Variants in SH2D2A observed in about 807,000 individuals in gnomAD.
SH2D2A encodes SH2 domain-containing protein 2A.
SH2D2A carries 33 observed loss-of-function variants against 43.6 expected under a neutral mutation model. The ratio of observed to expected loss-of-function variants is 0.76; its 90% CI spans 0.57 to 1.01. SH2D2A has a LOEUF of 1.01. Among genes scored for constraint, SH2D2A ranks in the 50% least tolerant of loss-of-function variants. SH2D2A has a pLI of 0.00. For missense variants in SH2D2A, 491 were observed against 503.1 expected (o/e 0.98, Z 0.23); for synonymous variants, 212 against 206.1 (o/e 1.03, Z -0.25).
At position 156,809,207 on chromosome 1, in the gene SH2D2A, C is replaced by T. The variant is rs754354282; in HGVS notation, c.998G>A (p.Gly333Asp). 6.2e-7 allele frequency: 1 copy of T among 1,605,186 alleles called. No individual in the cohort carries two copies. Among genetic ancestry groups the T allele is most frequent in the South Asian group, 1.1e-5 (1 of 90,112 alleles). The change falls in exon 7 of 9, where the codon GGC (glycine) becomes GAC (aspartate). Residue 333 changes from glycine (G) to aspartate (D), a missense_variant. By Grantham distance (94) the Gly-to-Asp change is moderately conservative. Transcript: ENST00000368199. This position sits in a 1 kb window ranked among gnomAD's most constrained non-coding sequence, Gnocchi z 4.8. ...RKSWSRPVPG[G>D]QNTGGSQLHS... ...TTTCCCTGCATACCCATTTACCTGG[C>T]CTCCTGGGACAGGCCTGGACCAGCT...
intron 2 of SH2D2A, 93 bp from the exon 3 acceptor site, chr1:156,815,314 C>G (rs751432985): frequency 3.8e-5 from 36 of 947,642 alleles, no homozygotes; most frequent in Non-Finnish European, 4.9e-5. Flanking sequence ...TTTCCTCATA[C>G]CCAGCCTCTC....
At position 156,814,161 on chromosome 1, in the gene SH2D2A, C is replaced by T. The variant is rs575302642; in HGVS notation, c.398+44G>A. 5.0e-6 allele frequency: 8 copies of T among 1,610,084 alleles called. No homozygotes were observed. In the South Asian group the frequency reaches 6.6e-5, roughly 13 times the overall value. The stretch of plus-strand genomic sequence containing the variant: ...GATCAGACCCAAGCCCCGCCCCTCC[C>T]GAGCCCCGCCTTGTGTCGCCCGGCG... On this transcript the variant is annotated intron_variant, in intron 4 of 8. Transcript: ENST00000368199.
chr1:156,809,581 C>T lies in SH2D2A; in HGVS notation c.714+80G>A. ...CTCCCAGCCTGAGCCTCTGCCCCCG[C>T]TAGGCCCCTCCTCCTCCCCGCTGCC... On this transcript the variant is annotated intron_variant, in intron 6 of 8. Coordinates refer to ENST00000368199, the MANE Select transcript of SH2D2A (RefSeq NM_003975.4). The surrounding 1 kb of genome is among the most constrained non-coding windows in gnomAD (Gnocchi z 4.8). 1 of 1,556,960 alleles carries T rather than the reference C, an allele frequency of 6.4e-7. No homozygotes were observed. Among genetic ancestry groups the T allele is most frequent in the Non-Finnish European group, 8.7e-7 (1 of 1,151,928 alleles).
intron 3 of SH2D2A, 67 bp from the exon 4 acceptor site, chr1:156,814,361 G>A (rs1653682249): frequency 6.4e-7 from 1 of 1,567,234 alleles, no homozygotes; most frequent in Non-Finnish European, 8.6e-7. Flanking sequence ...CTGTCTCCCC[G>A]GCTCTCACGA....
intron 5 of SH2D2A, among the ~76,000 whole-genome samples, chr1:156,810,961 G>A (rs1653370693): frequency 1.3e-5 from 2 of 152,194 alleles, no homozygotes; most frequent in African/African-American, 4.8e-5. Flanking sequence ...TGCTGCCACT[G>A]TAGGCTAAGG....
At position 156,809,879 on chromosome 1, in the gene SH2D2A, A is replaced by C. The variant is rs1406190103; in HGVS notation, c.568-72T>G. On this transcript the variant is annotated intron_variant, in intron 5 of 8. Coordinates refer to ENST00000368199, the MANE Select transcript of SH2D2A (RefSeq NM_003975.4). This position sits in a 1 kb window ranked among gnomAD's most constrained non-coding sequence, Gnocchi z 4.8. Reference sequence around the variant, plus strand: ...TGGGGGAGGTGATCAGGAGGACAAAATAATCCAGTCTAAGTGGAGGATGGG... The same window carrying C: ...TGGGGGAGGTGATCAGGAGGACAAACTAATCCAGTCTAAGTGGAGGATGGG... 1 of 1,557,742 alleles carries C rather than the reference A, an allele frequency of 6.4e-7. No homozygotes were observed. The highest frequency in any genetic ancestry group is 1.4e-5 in the African/African-American group (1 of 72,626).
chr1:156,814,039 A>C, intron 4 of SH2D2A, 23 bp from the exon 5 acceptor site: 1 of 1,497,122 alleles, frequency 6.7e-7, no homozygotes, highest in Non-Finnish European at 8.9e-7. Flanking sequence ...GTTAGGGATC[A>C]GACTATCTCC....
intron 5 of SH2D2A, among the ~76,000 whole-genome samples, chr1:156,812,429 C>T (rs1052553645): frequency 6.6e-6 from 1 of 152,206 alleles, no homozygotes; most frequent in African/African-American, 2.4e-5. Flanking sequence ...CCTCTCTGCT[C>T]CCATCATTCC....
At position 156,807,285 on chromosome 1, in the gene SH2D2A, G is replaced by GGGGGGGC; in HGVS notation, c.1062_1063insGCCCCCC (p.Pro355AlafsTer20). ...CTCCAGGCGGGTGGGGGCTGGTGGG[G>GGGGGGGC]CAGGGGAGGGCCTTGCCCAATCACA... On this transcript the variant is annotated frameshift_variant, in exon 8 of 9. Transcript: ENST00000368199. LOFTEE classifies it high-confidence loss of function. The surrounding 1 kb of genome is among the most constrained non-coding windows in gnomAD (Gnocchi z 5.1). 1 of 1,431,396 alleles carries GGGGGGGC rather than the reference G, an allele frequency of 7.0e-7. No individual in the cohort carries two copies. The allele number at this position is 1,431,396 out of a possible 1,614,324, so 88.7% of individuals were successfully genotyped here. A position where few individuals can be genotyped will look rare whatever the true frequency, so the allele number is the denominator to read the frequency against.
intron 8 of SH2D2A, among the ~76,000 whole-genome samples, 196 bp downstream of exon 8, chr1:156,806,979 G>A (rs1653012167): frequency 6.6e-6 from 1 of 152,144 alleles, no homozygotes. Context: ...ACTCTAGGCA[G>A]CCACGACCAA....
intron 4 of SH2D2A, 66 bp from the exon 5 acceptor site, chr1:156,814,082 T>C (rs1653638551): frequency 6.7e-7 from 1 of 1,496,954 alleles, no homozygotes. Flanking sequence ...GCGAGAGGCG[T>C]GATCCCCACC....
chr1:156,813,976 T>C lies in SH2D2A; in HGVS notation c.439A>G (p.Arg147Gly). The C allele has an allele frequency of 2.0e-6, 3 of 1,528,590 alleles. No individual in the cohort carries two copies. Among genetic ancestry groups the C allele is most frequent in the Non-Finnish European group, 2.6e-6 (3 of 1,140,756 alleles). 94.7% of individuals were successfully genotyped at this position (1,528,590 alleles called of 1,614,324 possible). Reference sequence around the variant, plus strand: ...CCCAGCACCACGTGGCGCCCGTCCCTGAGCTGGGCCAGCAGGAAGTGGCGG... The same window carrying C: ...CCCAGCACCACGTGGCGCCCGTCCCCGAGCTGGGCCAGCAGGAAGTGGCGG... ...CCRHFLLAQL[R>G]DGRHVVLGED... Residue 147 changes from arginine to glycine, a missense_variant, in exon 5 of 9, where the codon AGG becomes GGG. Coordinates refer to ENST00000368199, the MANE Select transcript of SH2D2A (RefSeq NM_003975.4).
Position 156,807,605 on chromosome 1 carries a change from AG to A in SH2D2A, c.1003-261del, listed in dbSNP as rs1339484408. Among the ~76,000 whole-genome samples the A allele has an allele frequency of 2.0e-5, 3 of 152,178 alleles. No homozygotes were observed. Among genetic ancestry groups the A allele is most frequent in the Non-Finnish European group, 2.9e-5 (2 of 68,034 alleles). On this transcript the variant is annotated intron_variant, in intron 7 of 8. Transcript: ENST00000368199. This position sits in a 1 kb window ranked among gnomAD's most constrained non-coding sequence, Gnocchi z 5.1. The stretch of plus-strand genomic sequence containing the variant: ...ACTCTAAACTAGGGAAGGGACAGAG[AG>A]AAGGAGATGGGAGGAGATGGATGTC...
intron 5 of SH2D2A, among the ~76,000 whole-genome samples, chr1:156,812,346 C>T (rs1227650076): frequency 2.6e-5 from 4 of 151,908 alleles, no homozygotes; most frequent in African/African-American, 4.8e-5. Context: ...CTACAGGGCC[C>T]CCCTCCCTCA....
intron 3 of SH2D2A, 87 bp from the exon 4 acceptor site, chr1:156,814,381 AC>A: frequency 6.5e-7 from 1 of 1,538,222 alleles, no homozygotes; most frequent in East Asian, 2.5e-5. Context: ...AGGAACCCCT[AC>A]CCCCAAGCAA....
rs1267086821 is a variant in SH2D2A, at chr1:156,815,035, A to G, written c.308+2T>C. 1 of 1,518,890 alleles carries G rather than the reference A, an allele frequency of 6.6e-7. No individual in the cohort carries two copies. Among genetic ancestry groups the G allele is most frequent in the Admixed American group, 2.0e-5 (1 of 50,184 alleles). 94.1% of individuals were successfully genotyped at this position (1,518,890 alleles called of 1,614,324 possible). ...GGGCCAATTTCCTCCTCCATGACTC[A>G]CCTCCGGGTGATGAAGCCATGGAAC... On this transcript the variant is annotated splice_donor_variant, in intron 3 of 8. Coordinates refer to ENST00000368199, the MANE Select transcript of SH2D2A (RefSeq NM_003975.4). LOFTEE classifies it high-confidence loss of function.
In SH2D2A at chr1:156,814,225, C is replaced by T; in HGVS notation, c.378G>A (p.Val126=). 1.2e-6 allele frequency: 2 copies of T among 1,613,908 alleles called. No homozygotes were observed. The highest frequency in any genetic ancestry group is 1.7e-6 in the Non-Finnish European group (2 of 1,179,976). ...CTCACCTGTAAGTCAGCACGAAGGT[C>T]ACCGCGCTCTCGCTGAACCGCACCA... ...CYLVRFSESA[V]TFVLTYRSRT... is the part of the protein sequence containing the mutation. Residue 126 remains valine (V), a synonymous_variant, in exon 4 of 9, where the codon GTG becomes GTA. Transcript: ENST00000368199.
In SH2D2A at chr1:156,809,120, C is replaced by T; in HGVS notation, c.1002+83G>A. The stretch of plus-strand genomic sequence containing the variant: ...TGCCCCTTACCCTGCCCCAGGCATC[C>T]ACTCTGAACACCTTCTTCACCTTCC... On this transcript the variant is annotated intron_variant, in intron 7 of 8. Transcript: ENST00000368199. The surrounding 1 kb of genome is among the most constrained non-coding windows in gnomAD (Gnocchi z 4.8). 7.1e-7 allele frequency: 1 copy of T among 1,405,838 alleles called. No individual in the cohort carries two copies. Among genetic ancestry groups the T allele is most frequent in the South Asian group, 1.4e-5 (1 of 73,580 alleles). The allele number at this position is 1,405,838 out of a possible 1,614,324, so 87.1% of individuals were successfully genotyped here.
At position 156,809,836 on chromosome 1, in the gene SH2D2A, C is replaced by G. The variant is rs772591983; in HGVS notation, c.568-29G>C. ...CTGGGAAAGAAGGAGGTCTGAGGCACTCGGTGGAGCGTTGGGGTGGGGGAG... is the reference window on the plus strand; with the variant it reads ...CTGGGAAAGAAGGAGGTCTGAGGCAGTCGGTGGAGCGTTGGGGTGGGGGAG... On this transcript the variant is annotated intron_variant, in intron 5 of 8. Transcript: ENST00000368199. The surrounding 1 kb of genome is among the most constrained non-coding windows in gnomAD (Gnocchi z 4.8). 19 of 1,611,642 alleles carry G rather than the reference C, an allele frequency of 1.2e-5. No individual in the cohort carries two copies. Among genetic ancestry groups the G allele is most frequent in the Non-Finnish European group, 1.6e-5 (19 of 1,179,208 alleles).
Sources: gnomAD v4.1 joint callset for allele counts (sites outside exome capture counted in the v4.1 genomes callset) on GRCh38, gnomAD v4.1.1 for gene constraint, Gnocchi (gnomAD v3.1) non-coding constraint, MANE v1.5 for transcripts, NCBI Gene and HGNC (gene_info 2026-07-23, HGNC 2026-07-21) for gene names.